SETD5: variants seen among roughly 807,000 people sequenced by gnomAD.
SETD5 encodes the protein histone-lysine N-methyltransferase SETD5.
In SETD5, 44 loss-of-function variants were observed where a neutral mutation model predicts 153.3. That is an observed-to-expected ratio of 0.29 (90% confidence interval 0.23 to 0.37). The LOEUF is 0.37. Ranked by LOEUF, SETD5 falls within the 10% of genes least tolerant of loss-of-function variation. SETD5 has a pLI of 1.00. For synonymous variants in SETD5, 716 were observed against 645.2 expected (o/e 1.11, Z -1.66); for missense variants, 1,544 against 1,768.0 (o/e 0.87, Z 2.27).
Position 9,455,431 on chromosome 3 carries a change from GA to G in SETD5, c.2476+1564del, listed in dbSNP as rs541427002. Among the ~76,000 whole-genome samples, 349 of 151,450 alleles carry G rather than the reference GA, an allele frequency of 2.3e-3. 3 individuals are homozygous for G. The highest frequency in any genetic ancestry group is 0.01 in the Middle Eastern group (3 of 290). On this transcript the variant is annotated intron_variant, in intron 17 of 22. Coordinates refer to ENST00000402198, the MANE Select transcript of SETD5 (RefSeq NM_001080517.3). ...GTGAATTGCCATTTTTTAAATTATG[GA>G]TTTAGTTTATTCTTTTGTCTCTAGA... is the stretch of plus-strand genomic sequence containing the variant.
intron 20 of SETD5, 97 bp downstream of exon 20, chr3:9,473,634 T>C (rs2045566013): frequency 7.9e-7 from 1 of 1,262,082 alleles, no homozygotes; most frequent in South Asian, 1.5e-5. Context: ...ATGGGAACAC[T>C]TGATGGGAAC....
chr3:9,465,684 T>C (rs1266726402), intron 18 of SETD5, among the ~76,000 whole-genome samples: 2 of 152,244 alleles, frequency 1.3e-5, no homozygotes, highest in Non-Finnish European at 1.5e-5. Context: ...GTATTCTTTC[T>C]TACCCTAGAC....
At chr3:9,452,316 T>C (rs912394789) in intron 16 of SETD5, among the ~76,000 whole-genome samples, 2 of 152,184 alleles carry the variant, frequency 1.3e-5, no homozygotes, top group Non-Finnish European at 2.9e-5. Flanking sequence ...TAACAAAAGA[T>C]TTTTCACTCC....
In SETD5 at chr3:9,434,445, C is replaced by G. The variant is rs766204002; in HGVS notation, c.289C>G (p.Leu97Val). 1.9e-6 allele frequency: 3 copies of G among 1,613,952 alleles called. No homozygotes were observed. Among genetic ancestry groups the G allele is most frequent in the Non-Finnish European group, 2.5e-6 (3 of 1,179,890 alleles). The change falls in exon 5 of 23, where the codon CTT becomes GTT. Residue 97 changes from leucine (L) to valine (V), a missense_variant. Physicochemically the swap from Leu to Val is conservative, Grantham distance 32. Around this residue, in one of 9 missense-constraint regions of SETD5, gnomAD observed 251 missense variants for 326.9 expected, o/e 0.77. Coordinates refer to ENST00000402198, the MANE Select transcript of SETD5 (RefSeq NM_001080517.3). This position sits in a 1 kb window ranked among gnomAD's most constrained non-coding sequence, Gnocchi z 5.6. ...TGTACCTACCTGGTGTCCTTGTGGT[C>G]TTTCTCAGGATGGCTTCCTTCTCAA... ...ETVPTWCPCG[L>V]SQDGFLLNCD...
At position 9,434,848 on chromosome 3, in the gene SETD5, T is replaced by C. The variant is rs1374777894; in HGVS notation, c.354T>C (p.Ile118=). The change falls in exon 6 of 23, where the codon ATT becomes ATC. Residue 118 remains isoleucine (I), a synonymous_variant. Coordinates refer to ENST00000402198, the MANE Select transcript of SETD5 (RefSeq NM_001080517.3). This position sits in a 1 kb window ranked among gnomAD's most constrained non-coding sequence, Gnocchi z 5.6. ...GGGGAATGAGCAGGGGGAAGGTTAT[T>C]AGACTTCATCGGCGGAAGCAGGACA... ...KCRGMSRGKV[I]RLHRRKQDNI... The C allele has an allele frequency of 6.2e-7, 1 of 1,613,524 alleles. No individual in the cohort carries two copies. The highest frequency in any genetic ancestry group is 8.5e-7 in the Non-Finnish European group (1 of 1,179,788).
intron 3 of SETD5, chr3:9,429,985 T>C (rs1024277385): frequency 4.8e-6 from 6 of 1,254,620 alleles, no homozygotes; most frequent in Non-Finnish European, 5.2e-6. Flanking sequence ...GCTGGAAAAA[T>C]CCTGGTGTTT....
intron 1 of SETD5, among the ~76,000 whole-genome samples, chr3:9,406,578 A>T (rs532951096): frequency 3.2e-3 from 472 of 148,422 alleles, no homozygotes; most frequent in Non-Finnish European, 5.3e-3. Context: ...ACTGCACTCC[A>T]GCCTGGGCGA....
intron 1 of SETD5, among the ~76,000 whole-genome samples, chr3:9,403,707 A>G (rs982432166): frequency 2.0e-5 from 3 of 152,204 alleles, no homozygotes; most frequent in African/African-American, 4.8e-5. Flanking sequence ...TTCAGCTCGC[A>G]TACAAGTGGG....
intron 1 of SETD5, among the ~76,000 whole-genome samples, chr3:9,411,279 A>G (rs1362262022): frequency 1.3e-5 from 2 of 152,156 alleles, no homozygotes; most frequent in Non-Finnish European, 2.9e-5. Flanking sequence ...TAGACCTGAA[A>G]TGTATGTTAT....
chr3:9,440,800 C>T, intron 8 of SETD5, 102 bp downstream of exon 8: 1 of 1,394,402 alleles, frequency 7.2e-7, no homozygotes, highest in Non-Finnish European at 9.5e-7. Flanking sequence ...ATGTACAAGG[C>T]CATGGAATAA....
Position 9,435,767 on chromosome 3 carries a change from T to C in SETD5, c.428T>C (p.Leu143Pro). The C allele has an allele frequency of 6.2e-7, 1 of 1,601,578 alleles. No individual in the cohort carries two copies. Among genetic ancestry groups the C allele is most frequent in the Non-Finnish European group, 8.5e-7 (1 of 1,174,594 alleles). The change falls in exon 7 of 23, where the codon CTT becomes CCT. Residue 143 changes from leucine (L) to proline (P), a missense_variant. Leu to Pro is a moderately conservative substitution (Grantham distance 98). This residue lies in a region of SETD5 where 251 missense variants were observed against 326.9 expected (regional missense o/e 0.77). Coordinates refer to ENST00000402198, the MANE Select transcript of SETD5 (RefSeq NM_001080517.3). ...GCAACAGAAAGCTGGGATGAGGAGC[T>C]TTCTCCTTCCACTGTGTTGTATACA... is the stretch of plus-strand genomic sequence containing the variant. ...SSATESWDEELSPSTVLYTAT... is the reference protein window; with the variant it reads ...SSATESWDEEPSPSTVLYTAT...
chr3:9,445,614 T>G (rs1196405512), intron 12 of SETD5, 43 bp from the exon 13 acceptor site: 1 of 1,538,240 alleles, frequency 6.5e-7, no homozygotes, highest in Non-Finnish European at 9.0e-7. Flanking sequence ...ATTGATTTTT[T>G]CTCAGAGCTT....
intron 1 of SETD5, among the ~76,000 whole-genome samples, chr3:9,401,569 T>TG (rs576346340): frequency 7.4e-4 from 113 of 152,314 alleles, no homozygotes; most frequent in African/African-American, 2.6e-3. Context: ...TACCTTTGAA[T>TG]GGGGAAATAA....
rs534138657 is a variant in SETD5, at chr3:9,424,140, A to G, written c.-176-327A>G. Among the ~76,000 whole-genome samples, 23 of 152,322 alleles carry G rather than the reference A, an allele frequency of 1.5e-4. 1 individual carries two copies. The South Asian group carries it at 3.9e-3, about 26-fold the overall frequency. ...TCAGTGAAGAAGGGAAGCACCTTTT[A>G]GGAGAGAGAAAAAGAAGGGATCCCT... On this transcript the variant is annotated intron_variant, in intron 1 of 22. Coordinates refer to ENST00000402198, the MANE Select transcript of SETD5 (RefSeq NM_001080517.3).
At chr3:9,404,044 A>G (rs2035262984) in intron 1 of SETD5, among the ~76,000 whole-genome samples, 1 of 152,232 alleles carries the variant, frequency 6.6e-6, no homozygotes, top group Admixed American at 6.5e-5. Flanking sequence ...ATATATTTTA[A>G]AAGACTTTAA....
chr3:9,410,365 A>G (rs1431613450), intron 1 of SETD5, among the ~76,000 whole-genome samples: 2 of 152,220 alleles, frequency 1.3e-5, no homozygotes, highest in African/African-American at 2.4e-5. Flanking sequence ...AAATGTCGTT[A>G]TGTGGCACAT....
At chr3:9,405,854 G>A (rs908310645) in intron 1 of SETD5, among the ~76,000 whole-genome samples, 2 of 152,114 alleles carry the variant, frequency 1.3e-5, no homozygotes, top group African/African-American at 4.8e-5. Flanking sequence ...GTCCTGTTAT[G>A]TTCTTTGGCT....
chr3:9,474,699 C>T (rs1013824785), intron 21 of SETD5, 117 bp downstream of exon 21: 36 of 1,395,228 alleles, frequency 2.6e-5, no homozygotes, highest in African/African-American at 2.3e-4. Flanking sequence ...TGGGCTCCAC[C>T]GCATGCTAGG....
intron 16 of SETD5, among the ~76,000 whole-genome samples, chr3:9,450,922 G>A (rs983382222): frequency 1.3e-5 from 2 of 152,158 alleles, no homozygotes; most frequent in African/African-American, 4.8e-5. Flanking sequence ...AAGAAGAGGA[G>A]TTCAGGTATT....
Sources: gnomAD v4.1 joint callset for allele counts (sites outside exome capture counted in the v4.1 genomes callset) on GRCh38, gnomAD v4.1.1 for gene constraint, gnomAD v4.1.1 regional missense constraint, Gnocchi (gnomAD v3.1) non-coding constraint, MANE v1.5 for transcripts, NCBI Gene and HGNC (gene_info 2026-07-23, HGNC 2026-07-21) for gene names.